DOCK3: variants seen among roughly 807,000 people sequenced by gnomAD.
The protein encoded by DOCK3 is dedicator of cytokinesis protein 3.
A neutral mutation model predicts 265.6 loss-of-function variants in DOCK3; 60 were observed. That is an observed-to-expected ratio of 0.23 (90% confidence interval 0.18 to 0.28). DOCK3 has a LOEUF of 0.28. DOCK3 is among the 10% of genes least tolerant of loss of function. The probability of loss-of-function intolerance (pLI) is 1.00; values close to 1 mark genes in which losing one functional copy is unlikely to be tolerated. For synonymous variants in DOCK3, 881 were observed against 938.0 expected (o/e 0.94, Z 1.11); for missense variants, 1,981 against 2,594.3 (o/e 0.76, Z 5.14).
intron 22 of DOCK3, among the ~76,000 whole-genome samples, chr3:51,247,136 CGTTG>C (rs2078879212): frequency 6.6e-6 from 1 of 152,186 alleles, no homozygotes; most frequent in African/African-American, 2.4e-5. Context: ...TTGGTGGCAA[CGTTG>C]ATTGAATTAG....
intron 12 of DOCK3, among the ~76,000 whole-genome samples, chr3:51,177,717 G>A (rs11926662): frequency 0.17 from 25,103 of 152,114 alleles, 2,471 homozygotes; most frequent in South Asian, 0.34. Flanking sequence ...TTGGCCAGGC[G>A]CAGTGGCTCA....
intron 12 of DOCK3, among the ~76,000 whole-genome samples, chr3:51,181,759 G>A (rs1420632721): frequency 6.6e-6 from 1 of 152,156 alleles, no homozygotes; most frequent in Non-Finnish European, 1.5e-5. Flanking sequence ...CTTCAGAGGT[G>A]ATAGAATGTT....
intron 12 of DOCK3, among the ~76,000 whole-genome samples, chr3:51,205,073 G>A (rs1022751993): frequency 2.0e-5 from 3 of 152,080 alleles, no homozygotes; most frequent in Admixed American, 6.6e-5. Flanking sequence ...GCTGGATGAC[G>A]AGTTAGTGGG....
intron 22 of DOCK3, among the ~76,000 whole-genome samples, chr3:51,252,713 G>T (rs1174442912): frequency 6.6e-6 from 1 of 152,170 alleles, no homozygotes; most frequent in South Asian, 2.1e-4. Flanking sequence ...CATTGATTTT[G>T]TATCCTGAGA....
At chr3:50,955,134 T>C (rs567138959) in intron 5 of DOCK3, among the ~76,000 whole-genome samples, 44 of 152,222 alleles carry the variant, frequency 2.9e-4, no homozygotes, top group African/African-American at 8.2e-4. Flanking sequence ...CAATGAGATA[T>C]CATCTCACAC....
intron 1 of DOCK3, among the ~76,000 whole-genome samples, chr3:50,726,877 A>G (rs2037864283): frequency 6.6e-6 from 1 of 152,204 alleles, no homozygotes; most frequent in African/African-American, 2.4e-5. Flanking sequence ...GCAAAGAAAC[A>G]AAATGTGTAG....
intron 13 of DOCK3, among the ~76,000 whole-genome samples, chr3:51,210,622 A>G (rs2089450651): frequency 1.3e-5 from 2 of 152,194 alleles, no homozygotes; most frequent in South Asian, 2.1e-4. Flanking sequence ...TGAGTTTTCT[A>G]CTGCTGGACT....
At chr3:51,153,389 C>T (rs1158362246) in intron 10 of DOCK3, among the ~76,000 whole-genome samples, 1 of 152,154 alleles carries the variant, frequency 6.6e-6, no homozygotes, top group Non-Finnish European at 1.5e-5. Flanking sequence ...GAGAGTGTCC[C>T]GATTTTCCAG....
chr3:51,228,183 C>T lies in DOCK3; in HGVS notation c.1647+95C>T. The T allele has an allele frequency of 3.2e-6, 4 of 1,231,986 alleles. No individual in the cohort carries two copies. The South Asian group carries it at 5.1e-5, about 16-fold the overall frequency. 76.3% of individuals were successfully genotyped at this position (1,231,986 alleles called of 1,614,324 possible). A position where few individuals can be genotyped will look rare whatever the true frequency, so the allele number is the denominator to read the frequency against. On this transcript the variant is annotated intron_variant, in intron 17 of 52. Transcript: ENST00000266037. ...AGTTAGGTGGTTTTCACTGGGCAGGCCAGAAGACCAAGGGAAGTGCACTGG... is the reference window on the plus strand; with the variant it reads ...AGTTAGGTGGTTTTCACTGGGCAGGTCAGAAGACCAAGGGAAGTGCACTGG...
chr3:51,089,229 C>G lies in DOCK3; in HGVS notation c.550-14C>G. 1 of 1,600,734 alleles carries G rather than the reference C, an allele frequency of 6.2e-7. No individual in the cohort carries two copies. The highest frequency in any genetic ancestry group is 8.5e-7 in the Non-Finnish European group (1 of 1,173,226). Reference sequence around the variant, plus strand: ...TTCCCGGTAGAGTTTATTTTTCTTTCCTTCTTTCCATAGCATTTATCTAGC... The same window carrying G: ...TTCCCGGTAGAGTTTATTTTTCTTTGCTTCTTTCCATAGCATTTATCTAGC... On this transcript the variant is annotated splice_polypyrimidine_tract_variant and intron_variant, in intron 7 of 52. Transcript: ENST00000266037.
At chr3:51,257,260 G>A (rs2079599466) in intron 22 of DOCK3, among the ~76,000 whole-genome samples, 2 of 152,138 alleles carry the variant, frequency 1.3e-5, no homozygotes, top group Admixed American at 6.5e-5. Context: ...AGATTAGTAA[G>A]TTTCCATCTA....
intron 1 of DOCK3, chr3:50,719,759 A>ATAATGGCACTG: frequency 9.3e-7 from 1 of 1,075,560 alleles, no homozygotes; most frequent in Non-Finnish European, 1.4e-6. Flanking sequence ...ACTTGCCACC[A>ATAATGGCACTG]GTGCCATTAT....
intron 5 of DOCK3, among the ~76,000 whole-genome samples, chr3:51,008,910 T>C (rs1425807219): frequency 6.6e-6 from 1 of 152,218 alleles, no homozygotes; most frequent in Non-Finnish European, 1.5e-5. Flanking sequence ...GTTTATGTGA[T>C]GGATTACGTT....
chr3:50,691,723 T>C (rs2035256730), intron 1 of DOCK3, among the ~76,000 whole-genome samples: 1 of 152,128 alleles, frequency 6.6e-6, no homozygotes, highest in Non-Finnish European at 1.5e-5. Context: ...CCCCAATACT[T>C]GTTGTTTTCT....
chr3:51,218,239 G>A (rs1300619034), intron 14 of DOCK3, among the ~76,000 whole-genome samples: 1 of 151,984 alleles, frequency 6.6e-6, no homozygotes, highest in Non-Finnish European at 1.5e-5. Context: ...TTCAAGACCA[G>A]CCTGGCCAAT....
At chr3:50,860,690 A>T (rs965184206) in intron 3 of DOCK3, among the ~76,000 whole-genome samples, 2 of 152,202 alleles carry the variant, frequency 1.3e-5, no homozygotes, top group African/African-American at 4.8e-5. Context: ...TCCAAAGCCC[A>T]AAGTCTGGAA....
At chr3:51,037,032 C>G (rs2080297889) in intron 5 of DOCK3, among the ~76,000 whole-genome samples, 1 of 152,124 alleles carries the variant, frequency 6.6e-6, no homozygotes, top group Non-Finnish European at 1.5e-5. Flanking sequence ...TCAGGTATGT[C>G]TTTATCAGCA....
At chr3:51,072,069 G>A (rs1311417683) in intron 6 of DOCK3, among the ~76,000 whole-genome samples, 4 of 152,154 alleles carry the variant, frequency 2.6e-5, no homozygotes, top group Admixed American at 6.5e-5. Flanking sequence ...GTTACTTCTA[G>A]GAGAGGGAAA....
At chr3:51,295,752 G>A (rs1024979777) in intron 27 of DOCK3, among the ~76,000 whole-genome samples, 1 of 151,894 alleles carries the variant, frequency 6.6e-6, no homozygotes, top group South Asian at 2.1e-4. Flanking sequence ...TATTATACTG[G>A]AGAGTCTAGC....
Sources: gnomAD v4.1 joint callset for allele counts (sites outside exome capture counted in the v4.1 genomes callset) on GRCh38, gnomAD v4.1.1 for gene constraint, MANE v1.5 for transcripts, NCBI Gene and HGNC (gene_info 2026-07-23, HGNC 2026-07-21) for gene names.